PLA2G4E: variants seen among roughly 807,000 people sequenced by gnomAD.
PLA2G4E encodes the protein phospholipase A2 group IVE.
PLA2G4E carries 84 observed loss-of-function variants against 109.1 expected under a neutral mutation model. The observed-to-expected ratio is 0.77, with a 90% confidence interval of 0.65 to 0.92. The LOEUF (loss-of-function observed/expected upper bound fraction) is 0.92, where lower values mean the gene tolerates loss of function less well. Ranked by LOEUF, PLA2G4E falls within the 40% of genes least tolerant of loss-of-function variation. PLA2G4E has a pLI of 0.00. For missense variants in PLA2G4E, 1,057 were observed against 1,076.6 expected, an observed-to-expected ratio of 0.98 and a Z score of 0.25; for synonymous variants, 469 against 436.1, an observed-to-expected ratio of 1.08 and a Z score of -0.94.
intron 6 of PLA2G4E, 39 bp downstream of exon 6, chr15:42,002,615 G>C (rs765900335): frequency 2.9e-5 from 45 of 1,552,226 alleles, no homozygotes; most frequent in Admixed American, 3.8e-5. Context: ...GCAGCCAGCC[G>C]TGGCCTCTGG....
intron 3 of PLA2G4E, among the ~76,000 whole-genome samples, chr15:42,006,554 A>G (rs1439929263): frequency 2.0e-5 from 3 of 152,186 alleles, no homozygotes; most frequent in Admixed American, 6.5e-5. Flanking sequence ...AGGGAATCGA[A>G]CATCTAACAC....
At chr15:42,032,964 TGA>T (rs1332992719) in intron 1 of PLA2G4E, among the ~76,000 whole-genome samples, 1 of 152,002 alleles carries the variant, frequency 6.6e-6, no homozygotes, top group Non-Finnish European at 1.5e-5. Flanking sequence ...CATGTGTGTG[TGA>T]GTGTGTGAGA....
intron 1 of PLA2G4E, among the ~76,000 whole-genome samples, chr15:42,041,304 G>A (rs1378391657): frequency 7.3e-6 from 1 of 136,824 alleles, no homozygotes; most frequent in African/African-American, 2.5e-5. Context: ...GCTTAGAAGT[G>A]GTTGATGGGT....
chr15:42,040,815 T>C (rs1400263939), intron 1 of PLA2G4E, among the ~76,000 whole-genome samples: 2 of 152,226 alleles, frequency 1.3e-5, no homozygotes. Context: ...GGCTCTCAGA[T>C]ACTCTGATGT....
rs752130387 is a variant in PLA2G4E at position 41,989,448 on chromosome 15, T to C, written c.1690A>G (p.Arg564Gly). 4.3e-6 allele frequency: 7 copies of C among 1,613,986 alleles called. No homozygotes were observed. In the East Asian group the frequency reaches 6.7e-5, roughly 15 times the overall value. Residue 564 changes from arginine to glycine, a missense_variant, in exon 15 of 20, where the codon AGG (arginine) becomes GGG (glycine). Transcript: ENST00000399518. Reference sequence around the variant, plus strand: ...TAGCAGATTCGAGACTCCGGGATCCTCTTCACCAGCCGCCCCATGAAGAAC... The same window carrying C: ...TAGCAGATTCGAGACTCCGGGATCCCCTTCACCAGCCGCCCCATGAAGAAC...
chr15:42,022,999 A>G (rs2068661216), intron 1 of PLA2G4E, among the ~76,000 whole-genome samples: 3 of 152,084 alleles, frequency 2.0e-5, no homozygotes, highest in South Asian at 2.1e-4. Flanking sequence ...CCTAGGCACC[A>G]CTAGGAGGAA....
At chr15:42,048,399 G>A (rs1366201727) in intron 1 of PLA2G4E, among the ~76,000 whole-genome samples, 1 of 152,158 alleles carries the variant, frequency 6.6e-6, no homozygotes, top group Non-Finnish European at 1.5e-5. Flanking sequence ...ATAGTGGATT[G>A]GCCCTTTATG....
chr15:41,989,551 C>T, exon 15 of PLA2G4E: 1 of 1,613,212 alleles, frequency 6.2e-7, no homozygotes, highest in Non-Finnish European at 8.5e-7. Context: ...ACTCGAACCA[C>T]TCTGCACATG....
intron 1 of PLA2G4E, among the ~76,000 whole-genome samples, chr15:42,038,457 T>C (rs907214919): frequency 6.6e-6 from 1 of 152,254 alleles, no homozygotes; most frequent in African/African-American, 2.4e-5. Context: ...TGGGAGACAG[T>C]GACAGATCAT....
At chr15:41,997,400 A>C in intron 10 of PLA2G4E, 141 bp from the exon 11 acceptor site, 1 of 952,706 alleles carries the variant, frequency 1.0e-6, no homozygotes, top group Non-Finnish European at 1.5e-6. Flanking sequence ...CCACTTTCCC[A>C]TCTGTAAAGT....
chr15:41,986,328 G>A (rs534215569), intron 17 of PLA2G4E, among the ~76,000 whole-genome samples: 1 of 152,324 alleles, frequency 6.6e-6, no homozygotes, highest in East Asian at 1.9e-4. Context: ...CCAGGCTGAA[G>A]CAGCCATTTG....
chr15:42,018,979 T>G (rs1397088806), intron 1 of PLA2G4E, among the ~76,000 whole-genome samples: 1 of 152,278 alleles, frequency 6.6e-6, no homozygotes, highest in Non-Finnish European at 1.5e-5. Flanking sequence ...CTCTAGCTGC[T>G]GTGCATATGC....
At chr15:41,989,312 A>G (rs2068200671) in intron 15 of PLA2G4E, 103 bp downstream of exon 15, 6 of 1,492,372 alleles carry the variant, frequency 4.0e-6, no homozygotes, top group Non-Finnish European at 5.5e-6. Context: ...GGATGAGACA[A>G]TGCTGGCAAG....
chr15:41,984,105 C>T (rs146867305), intron 19 of PLA2G4E, 131 bp from the exon 20 acceptor site: 37 of 829,082 alleles, frequency 4.5e-5, no homozygotes, highest in Admixed American at 1.7e-4. Context: ...CCTGTACACA[C>T]GCACACCCTC....
intron 12 of PLA2G4E, 51 bp from the exon 13 acceptor site, chr15:41,993,010 G>A (rs1365251956): frequency 6.6e-7 from 1 of 1,515,762 alleles, no homozygotes; most frequent in Non-Finnish European, 8.9e-7. Flanking sequence ...CCTGTCTGAT[G>A]AGTCCTGGAC....
At chr15:42,014,614 A>C (rs1258197262) in intron 1 of PLA2G4E, among the ~76,000 whole-genome samples, 3 of 152,182 alleles carry the variant, frequency 2.0e-5, no homozygotes, top group African/African-American at 4.8e-5. Context: ...ACCATGTGCC[A>C]GGGGCTCACC....
chr15:42,042,587 T>C (rs1409084066), intron 1 of PLA2G4E, among the ~76,000 whole-genome samples: 1 of 152,184 alleles, frequency 6.6e-6, no homozygotes, highest in Admixed American at 6.5e-5. Context: ...GATATTTATA[T>C]ATGTCAGCTC....
At chr15:41,995,736 G>T (rs2068328892) in intron 11 of PLA2G4E, among the ~76,000 whole-genome samples, 1 of 152,206 alleles carries the variant, frequency 6.6e-6, no homozygotes, top group South Asian at 2.1e-4. Flanking sequence ...CCTAACACAG[G>T]CTTGGTAAAT....
intron 10 of PLA2G4E, chr15:41,998,708 A>G (rs2068378999): frequency 6.6e-6 from 1 of 152,224 alleles, no homozygotes; most frequent in Admixed American, 6.5e-5. Context: ...TCATAGACCT[A>G]AATGTGAGAG....
Sources: gnomAD v4.1 joint callset for allele counts (sites outside exome capture counted in the v4.1 genomes callset) on GRCh38, gnomAD v4.1.1 for gene constraint, MANE v1.5 for transcripts, NCBI Gene and HGNC (gene_info 2026-07-23, HGNC 2026-07-21) for gene names.